Variants in NWD2 observed in about 807,000 individuals in gnomAD.
NWD2 encodes the protein NACHT and WD repeat domain containing 2.
A neutral mutation model predicts 132.7 loss-of-function variants in NWD2; 37 were observed. The ratio of observed to expected loss-of-function variants is 0.28; its 90% CI spans 0.21 to 0.37. NWD2 has a LOEUF of 0.37. NWD2 is among the 10% of genes least tolerant of loss of function. The pLI, the probability that NWD2 is intolerant of heterozygous loss-of-function variation, is 1.00. For missense variants in NWD2, 1,592 were observed against 2,122.4 expected (o/e 0.75, Z 4.91); for synonymous variants, 705 against 803.0 (o/e 0.88, Z 2.06).
intron 1 of NWD2, among the ~76,000 whole-genome samples, chr4:37,318,787 T>G (rs985006964): frequency 3.9e-5 from 6 of 152,190 alleles, no homozygotes; most frequent in Non-Finnish European, 8.8e-5. Context: ...GCTGTATCCA[T>G]GTTGCTGCAA....
At chr4:37,387,496 T>C (rs943971154) in intron 3 of NWD2, among the ~76,000 whole-genome samples, 1 of 151,644 alleles carries the variant, frequency 6.6e-6, no homozygotes, top group African/African-American at 2.4e-5. Context: ...TCCATCAACA[T>C]ATCATGTTTT....
chr4:37,275,167 A>G (rs1271470179), intron 1 of NWD2, among the ~76,000 whole-genome samples: 1 of 152,222 alleles, frequency 6.6e-6, no homozygotes, highest in Non-Finnish European at 1.5e-5. Context: ...GCATGATTGT[A>G]TATCTAGAAA....
intron 3 of NWD2, among the ~76,000 whole-genome samples, chr4:37,386,867 G>A (rs13110896): frequency 0.095 from 14,395 of 151,398 alleles, 827 homozygotes; most frequent in Middle Eastern, 0.21. Flanking sequence ...CTCTCTCTCG[G>A]TCCCTCTCTT....
At chr4:37,260,489 G>A (rs151328874) in intron 1 of NWD2, among the ~76,000 whole-genome samples, 6 of 152,118 alleles carry the variant, frequency 3.9e-5, no homozygotes, top group African/African-American at 1.4e-4. Context: ...CTACTCGATT[G>A]CCTGAAAAAT....
chr4:37,342,773 C>T (rs1719553319), intron 2 of NWD2, among the ~76,000 whole-genome samples: 1 of 152,166 alleles, frequency 6.6e-6, no homozygotes, highest in Non-Finnish European at 1.5e-5. Context: ...TTTCAAGACA[C>T]AGGGGCATCA....
chr4:37,276,448 G>GC (rs1370464261), intron 1 of NWD2, among the ~76,000 whole-genome samples: 2 of 152,156 alleles, frequency 1.3e-5, no homozygotes, highest in African/African-American at 4.8e-5. Context: ...AACAACAGGT[G>GC]CTGGAGAGGA....
intron 2 of NWD2, among the ~76,000 whole-genome samples, chr4:37,332,110 C>T (rs907700504): frequency 5.3e-5 from 8 of 152,150 alleles, no homozygotes; most frequent in South Asian, 2.1e-4. Flanking sequence ...GTCTAGGCCA[C>T]GAGGATTCCA....
chr4:37,380,630 A>G (rs1474156399), intron 3 of NWD2, among the ~76,000 whole-genome samples: 1 of 151,914 alleles, frequency 6.6e-6, no homozygotes, highest in Non-Finnish European at 1.5e-5. Context: ...TCACAAGCCA[A>G]AAAAAAAGTG....
intron 3 of NWD2, among the ~76,000 whole-genome samples, chr4:37,374,194 A>T (rs1720298027): frequency 6.6e-6 from 1 of 152,136 alleles, no homozygotes; most frequent in Non-Finnish European, 1.5e-5. Flanking sequence ...GTGAGAGCTG[A>T]TTTAAAGAGC....
intron 1 of NWD2, among the ~76,000 whole-genome samples, chr4:37,324,124 A>G (rs1003048797): frequency 1.3e-5 from 2 of 152,104 alleles, no homozygotes; most frequent in African/African-American, 4.8e-5. Flanking sequence ...CCAGGTAACA[A>G]ACCTGCACAT....
At position 37,439,252 on chromosome 4, in the gene NWD2, C is replaced by CT; in HGVS notation, c.1159dup (p.Tyr387LeufsTer2). On this transcript the variant is annotated frameshift_variant, in exon 6 of 7. Coordinates refer to ENST00000309447, the MANE Select transcript of NWD2 (RefSeq NM_001144990.2). LOFTEE classifies it high-confidence loss of function. The surrounding 1 kb of genome is among the most constrained non-coding windows in gnomAD (Gnocchi z 4.5). ...CATTATGTAAAACATACGCCTCCTT[C>CT]TATGAGTACAAATGTGAATCTCTAA... The CT allele has an allele frequency of 1.3e-6, 2 of 1,551,294 alleles. No homozygotes were observed. The highest frequency in any genetic ancestry group is 1.7e-6 in the Non-Finnish European group (2 of 1,146,866).
chr4:37,433,852 T>C (rs1712241816), intron 4 of NWD2, 24 bp from the exon 5 acceptor site: 5 of 1,499,240 alleles, frequency 3.3e-6, no homozygotes, highest in Non-Finnish European at 4.5e-6. Context: ...GTAAGACTAA[T>C]TTCTCCCTTT....
At chr4:37,371,295 C>T (rs540764625) in intron 3 of NWD2, among the ~76,000 whole-genome samples, 9 of 151,962 alleles carry the variant, frequency 5.9e-5, no homozygotes, top group African/African-American at 2.2e-4. Flanking sequence ...AGGCTGGTCT[C>T]GAACTCCTGA....
chr4:37,337,253 A>G (rs1423394498), intron 2 of NWD2, among the ~76,000 whole-genome samples: 1 of 152,216 alleles, frequency 6.6e-6, no homozygotes, highest in Non-Finnish European at 1.5e-5. Context: ...TTAAATTAAT[A>G]GTCCTCATCT....
chr4:37,256,702 A>T (rs74287791), intron 1 of NWD2, among the ~76,000 whole-genome samples: 2,180 of 152,314 alleles, frequency 0.014, 47 homozygotes, highest in African/African-American at 0.048. Flanking sequence ...AGAAGTCTAA[A>T]TCTATTTACA....
chr4:37,367,917 A>C (rs1315769797), intron 3 of NWD2, among the ~76,000 whole-genome samples: 2 of 152,160 alleles, frequency 1.3e-5, no homozygotes, highest in Non-Finnish European at 2.9e-5. Context: ...TCCTACCAGC[A>C]GACCCTAAAT....
intron 1 of NWD2, among the ~76,000 whole-genome samples, chr4:37,278,500 G>A (rs1718068697): frequency 1.3e-5 from 2 of 152,300 alleles, no homozygotes; most frequent in South Asian, 2.1e-4. Context: ...CTGGACAACA[G>A]CAATTGTGAG....
chr4:37,337,442 G>A (rs1719432092), intron 2 of NWD2, among the ~76,000 whole-genome samples: 1 of 152,146 alleles, frequency 6.6e-6, no homozygotes, highest in South Asian at 2.1e-4. Flanking sequence ...GTGTAAGGAA[G>A]TGAGAGAAAC....
intron 3 of NWD2, among the ~76,000 whole-genome samples, chr4:37,410,779 A>G (rs1046343515): frequency 6.6e-6 from 1 of 152,214 alleles, no homozygotes; most frequent in African/African-American, 2.4e-5. Flanking sequence ...AAAGAACAGA[A>G]ATCATAACAA....
Sources: gnomAD v4.1 joint callset for allele counts (sites outside exome capture counted in the v4.1 genomes callset) on GRCh38, gnomAD v4.1.1 for gene constraint, Gnocchi (gnomAD v3.1) non-coding constraint, MANE v1.5 for transcripts, NCBI Gene and HGNC (gene_info 2026-07-23, HGNC 2026-07-21) for gene names.